Variants in ZNF766 observed in about 807,000 individuals in gnomAD.
ZNF766 encodes the protein zinc finger protein 766.
In ZNF766, 13 loss-of-function variants were observed where a neutral mutation model predicts 13.2. The observed-to-expected ratio is 0.98, with a 90% confidence interval of 0.64 to 1.56. The LOEUF (loss-of-function observed/expected upper bound fraction) is 1.56. Among genes scored for constraint, ZNF766 ranks in the 40% most tolerant of loss-of-function variants. The pLI is 0.00. For synonymous variants in ZNF766, 178 were observed against 187.6 expected, an observed-to-expected ratio of 0.95 and a Z score of 0.42; for missense variants, 521 against 552.2, an observed-to-expected ratio of 0.94 and a Z score of 0.57.
chr19:52,271,173 C>T lies in ZNF766; in HGVS notation c.18+1542C>T, dbSNP rs1360783315. 2.0e-5 allele frequency among the ~76,000 whole-genome samples: 3 copies of T among 152,106 alleles called. No individual in the cohort carries two copies. In the East Asian group the frequency reaches 5.8e-4, roughly 29 times the overall value. On this transcript the variant is annotated intron_variant, in intron 1 of 3. Transcript: ENST00000439461. ...TTACTATCAGTTATAAAGGTTATTA[C>T]AAAGGATACAGGTGGAAGAGCCATC...
rs116881233 is a variant in ZNF766 at position 52,291,386 on chromosome 19, A to G, written c.*188A>G. 0.032 allele frequency: 18,710 copies of G among 585,710 alleles called. 370 individuals carry two copies. The highest frequency in any genetic ancestry group is 0.042 in the Middle Eastern group (93 of 2,206). The allele number at this position is 585,710 out of a possible 1,614,324, so 36.3% of individuals were successfully genotyped here. ...TGTGTGTGCCAAGGCCAACAAGTCA[A>G]AATATGTTGAACCTAATGATATGAT... On this transcript the variant is annotated 3_prime_UTR_variant, in exon 4 of 4. Transcript: ENST00000439461.
chr19:52,290,349 T>G lies in ZNF766; in HGVS notation c.558T>G (p.Pro186=), dbSNP rs1394910458. ...AGAAAGCACACATTAGGAGAAAACC[T>G]TACGAATGTAATGAGCAGGGCAAAG... is the stretch of plus-strand genomic sequence containing the variant. The part of the protein sequence containing the change: ...QEQKAHIRRK[P]YECNEQGKVF... The change falls in exon 4 of 4, where the codon CCT becomes CCG. Residue 186 remains proline, a synonymous_variant. Coordinates refer to ENST00000439461, the MANE Select transcript of ZNF766 (RefSeq NM_001010851.3). 6.2e-7 allele frequency: 1 copy of G among 1,614,114 alleles called. No individual in the cohort carries two copies. Among genetic ancestry groups the G allele is most frequent in the Non-Finnish European group, 8.5e-7 (1 of 1,180,030 alleles).
intron 3 of ZNF766, among the ~76,000 whole-genome samples, chr19:52,289,457 C>T (rs1982001122): frequency 6.6e-6 from 1 of 152,080 alleles, no homozygotes; most frequent in Non-Finnish European, 1.5e-5. Context: ...TGCAGCTGCT[C>T]ATAAGTGTCT....
Position 52,290,860 on chromosome 19 carries a change from T to C in ZNF766, c.1069T>C (p.Cys357Arg), listed in dbSNP as rs1486966734. The change falls in exon 4 of 4, where the codon TGT (cysteine) becomes CGT (arginine). Residue 357 changes from cysteine (C) to arginine (R), a missense_variant. Transcript: ENST00000439461. ...LIHTGEKPYK[C>R]KECDKAFRHK... ...CCACACTGGAGAGAAACCTTACAAA[T>C]GTAAAGAATGTGACAAAGCTTTTAG... 6.2e-7 allele frequency: 1 copy of C among 1,613,972 alleles called. No homozygotes were observed. The highest frequency in any genetic ancestry group is 8.5e-7 in the Non-Finnish European group (1 of 1,179,998).
intron 1 of ZNF766, among the ~76,000 whole-genome samples, chr19:52,278,971 T>C (rs764433836): frequency 2.2e-4 from 34 of 152,232 alleles, no homozygotes; most frequent in Non-Finnish European, 2.8e-4. Flanking sequence ...CAGGATGGTA[T>C]TGCCTAAGTT....
chr19:52,282,799 T>C (rs935567292), intron 2 of ZNF766, among the ~76,000 whole-genome samples: 10 of 152,206 alleles, frequency 6.6e-5, no homozygotes, highest in Admixed American at 5.9e-4. Context: ...TTTTAAAATA[T>C]CCAGTTCCCT....
chr19:52,296,038 A>G lies in ZNF766; in HGVS notation c.*4840A>G, dbSNP rs1416914844. On this transcript the variant is annotated 3_prime_UTR_variant, in exon 4 of 4. Coordinates refer to ENST00000439461, the MANE Select transcript of ZNF766 (RefSeq NM_001010851.3). ...GTTTATCAATAAATTGATATTGTAT[A>G]TGTCTCTATCTGGGTGTCTTTGATT... 6.6e-6 allele frequency: 1 copy of G among 150,832 alleles called. No homozygotes were observed. The highest frequency in any genetic ancestry group is 2.4e-5 in the African/African-American group (1 of 40,902). 9.3% of individuals were successfully genotyped at this position (150,832 alleles called of 1,614,324 possible).
intron 1 of ZNF766, among the ~76,000 whole-genome samples, chr19:52,273,166 G>A (rs2002323): frequency 6.6e-6 from 1 of 151,736 alleles, no homozygotes; most frequent in East Asian, 1.9e-4. Flanking sequence ...GCACCATCAC[G>A]CCCAACTAAT....
chr19:52,290,537 G>A lies in ZNF766; in HGVS notation c.746G>A (p.Gly249Asp). 1 of 1,613,992 alleles carries A rather than the reference G, an allele frequency of 6.2e-7. No individual in the cohort carries two copies. The highest frequency in any genetic ancestry group is 8.5e-7 in the Non-Finnish European group (1 of 1,179,974). The part of the protein sequence containing the change: ...GEKPYKCKEC[G>D]KLFNRIAYLA... ...AAACCTTACAAATGTAAAGAGTGTG[G>A]CAAGCTCTTCAATCGAATTGCATAC... The change falls in exon 4 of 4, where the codon GGC becomes GAC. Residue 249 changes from glycine (G) to aspartate (D), a missense_variant. Gly to Asp is a moderately conservative substitution (Grantham distance 94). Transcript: ENST00000439461.
chr19:52,278,652 G>A (rs1568617838), intron 1 of ZNF766, among the ~76,000 whole-genome samples: 1 of 151,946 alleles, frequency 6.6e-6, no homozygotes, highest in Non-Finnish European at 1.5e-5. Flanking sequence ...TGATCCAACT[G>A]CCTCAGCCTC....
chr19:52,293,726 AGTGATTCTCCTGCCTCAGCC>A lies in ZNF766; in HGVS notation c.*2529_*2548del, dbSNP rs1982249577. ...CCGCAACCTCCGCCTTCCAGGTTCA[AGTGATTCTCCTGCCTCAGCC>A]TCCCGAGTAGCTGGGATTACATGCA... On this transcript the variant is annotated 3_prime_UTR_variant, in exon 4 of 4. Transcript: ENST00000439461. The A allele has an allele frequency of 6.6e-6, 1 of 152,164 alleles. No individual in the cohort carries two copies. The highest frequency in any genetic ancestry group is 6.6e-5 in the Admixed American group (1 of 15,262). The allele number at this position is 152,164 out of a possible 1,614,324, so 9.4% of individuals were successfully genotyped here.
rs758862079 is a variant in ZNF766 at position 52,269,623 on chromosome 19, C to G, written c.10C>G (p.Leu4Val). 1.9e-6 allele frequency: 3 copies of G among 1,612,996 alleles called. No homozygotes were observed. The highest frequency in any genetic ancestry group is 2.2e-5 in the South Asian group (2 of 91,046). The change falls in exon 1 of 4, where the codon CTG becomes GTG. Residue 4 changes from leucine to valine, a missense_variant. Transcript: ENST00000439461. ...TGGATGGCGTGGAGATATGGCGCAA[C>G]TGCGGCGCGTGAGTTTTCCTTTGTT... Reference protein sequence around the residue: MAQLRRGHLTFRDV... With the variant: MAQVRRGHLTFRDV...
chr19:52,292,349 C>T lies in ZNF766; in HGVS notation c.*1151C>T. The T allele has an allele frequency of 1.7e-6, 1 of 604,810 alleles. No homozygotes were observed. The allele number at this position is 604,810 out of a possible 1,614,324, so 37.5% of individuals were successfully genotyped here. A position where few individuals can be genotyped will look rare whatever the true frequency, so the allele number is the denominator to read the frequency against. Reference sequence around the variant, plus strand: ...CATCATGCTTATTGCAGTTAGCACACACTTTTCCTGACAGGCACAGTGCTG... The same window carrying T: ...CATCATGCTTATTGCAGTTAGCACATACTTTTCCTGACAGGCACAGTGCTG... On this transcript the variant is annotated 3_prime_UTR_variant, in exon 4 of 4. Coordinates refer to ENST00000439461, the MANE Select transcript of ZNF766 (RefSeq NM_001010851.3).
chr19:52,282,336 T>C (rs2122478485), intron 2 of ZNF766, 99 bp downstream of exon 2: 1 of 1,414,732 alleles, frequency 7.1e-7, no homozygotes, highest in Non-Finnish European at 9.4e-7. Context: ...TTGACTGAGA[T>C]TGAAACCCTG....
rs1982303262 is a variant in ZNF766 at position 52,295,347 on chromosome 19, C to G, written c.*4149C>G. 1 of 152,104 alleles carries G rather than the reference C, an allele frequency of 6.6e-6. No individual in the cohort carries two copies. The highest frequency in any genetic ancestry group is 1.5e-5 in the Non-Finnish European group (1 of 68,032). 9.4% of individuals were successfully genotyped at this position (152,104 alleles called of 1,614,324 possible). On this transcript the variant is annotated 3_prime_UTR_variant, in exon 4 of 4. Transcript: ENST00000439461. ...AGACATGCACCATCACCACACCTGGCTAATTTTTGTATTTGTAATAGAGAT... is the reference window on the plus strand; with the variant it reads ...AGACATGCACCATCACCACACCTGGGTAATTTTTGTATTTGTAATAGAGAT...
chr19:52,282,430 G>A (rs761615140), intron 2 of ZNF766, 193 bp downstream of exon 2: 205 of 478,608 alleles, frequency 4.3e-4, no homozygotes, highest in Non-Finnish European at 6.5e-4. Context: ...GAGGTCAGGA[G>A]TTCGAGACCA....
In ZNF766 at chr19:52,294,822, AC is replaced by A. The variant is rs1236027466; in HGVS notation, c.*3625del. 5 of 152,290 alleles carry A rather than the reference AC, an allele frequency of 3.3e-5. No homozygotes were observed. The highest frequency in any genetic ancestry group is 6.5e-5 in the Admixed American group (1 of 15,290). 9.4% of individuals were successfully genotyped at this position (152,290 alleles called of 1,614,324 possible). A position where few individuals can be genotyped will look rare whatever the true frequency, so the allele number is the denominator to read the frequency against. ...TTACGTTCCTTTTATAGTTACAGAT[AC>A]AGGTCTCATTGCACAATATGATTGT... On this transcript the variant is annotated 3_prime_UTR_variant, in exon 4 of 4. Transcript: ENST00000439461.
At chr19:52,269,789 G>C (rs1980892306) in intron 1 of ZNF766, among the ~76,000 whole-genome samples, 158 bp downstream of exon 1, 1 of 152,224 alleles carries the variant, frequency 6.6e-6, no homozygotes, top group Non-Finnish European at 1.5e-5. Flanking sequence ...AATCGCCCTA[G>C]GGCTGGTTCT....
At chr19:52,275,333 A>G (rs1178532904) in intron 1 of ZNF766, among the ~76,000 whole-genome samples, 1 of 152,238 alleles carries the variant, frequency 6.6e-6, no homozygotes, top group African/African-American at 2.4e-5. Flanking sequence ...AAGATAAAAT[A>G]TTTTTGTATA....
Sources: gnomAD v4.1 joint callset for allele counts (sites outside exome capture counted in the v4.1 genomes callset) on GRCh38, gnomAD v4.1.1 for gene constraint, MANE v1.5 for transcripts, NCBI Gene and HGNC (gene_info 2026-07-23, HGNC 2026-07-21) for gene names.